TNKS: variants seen among roughly 807,000 people sequenced by gnomAD.
TNKS encodes the protein tankyrase.
Under a neutral mutation model 135.8 loss-of-function variants are expected in TNKS, and 72 were observed. That is an observed-to-expected ratio of 0.53 (90% CI 0.44 to 0.64). TNKS has a LOEUF of 0.64. Among genes scored for constraint, TNKS ranks in the 30% least tolerant of loss-of-function variants. The pLI is 0.00. For missense variants in TNKS, 1,769 were observed against 1,674.0 expected (o/e 1.06, Z -0.99); for synonymous variants, 849 against 649.3 (o/e 1.31, Z -4.68).
At chr8:9,707,870 T>C (rs1404551875) in intron 8 of TNKS, among the ~76,000 whole-genome samples, 1 of 152,206 alleles carries the variant, frequency 6.6e-6, no homozygotes, top group Non-Finnish European at 1.5e-5. Flanking sequence ...GTAAATGTTT[T>C]CTATACCATT....
At chr8:9,705,725 CA>C (rs1804010071) in intron 6 of TNKS, among the ~76,000 whole-genome samples, 1 of 152,080 alleles carries the variant, frequency 6.6e-6, no homozygotes, top group Non-Finnish European at 1.5e-5. Flanking sequence ...GGTGAGTCAT[CA>C]AGAGATGTAC....
chr8:9,720,402 C>A lies in TNKS; in HGVS notation c.1778C>A (p.Thr593Asn). ...AATGCACTGGACACCCTTGGTCAGA[C>A]TGCTTTGCATAGAGCCGCCCTAGCA... ...KMNALDTLGQ[T>N]ALHRAALAGH... is the part of the protein sequence containing the mutation. Residue 593 changes from threonine to asparagine, a missense_variant, in exon 12 of 27, where the codon ACT becomes AAT. Thr to Asn is a moderately conservative substitution (Grantham distance 65). This residue lies in a region of TNKS where 523 missense variants were observed against 541.0 expected (regional missense o/e 0.97). Coordinates refer to ENST00000310430, the MANE Select transcript of TNKS (RefSeq NM_003747.3). 1 of 1,612,836 alleles carries A rather than the reference C, an allele frequency of 6.2e-7. No individual in the cohort carries two copies. The highest frequency in any genetic ancestry group is 8.5e-7 in the Non-Finnish European group (1 of 1,179,542).
intron 12 of TNKS, chr8:9,722,579 T>C (rs1804946672): frequency 6.6e-6 from 1 of 150,842 alleles, no homozygotes; most frequent in African/African-American, 2.4e-5. Flanking sequence ...AAAAAAGACT[T>C]TGACTTCCTG....
intron 20 of TNKS, among the ~76,000 whole-genome samples, chr8:9,760,250 G>C (rs1372198465): frequency 6.6e-6 from 1 of 152,104 alleles, no homozygotes; most frequent in Non-Finnish European, 1.5e-5. Flanking sequence ...TGTTTTTAAA[G>C]CTCTGCTGAA....
Position 9,776,647 on chromosome 8 carries a change from C to T in TNKS, c.3898-3C>T, listed in dbSNP as rs1022223336. 4.3e-6 allele frequency: 7 copies of T among 1,613,736 alleles called. No homozygotes were observed. The highest frequency in any genetic ancestry group is 5.9e-6 in the Non-Finnish European group (7 of 1,179,744). ...GATTTGTTTTTCTTCTTGTCCTTCC[C>T]AGGCATACCCAGAGTATCTTATCAC... On this transcript the variant is annotated splice_region_variant and splice_polypyrimidine_tract_variant and intron_variant, in intron 26 of 26. Coordinates refer to ENST00000310430, the MANE Select transcript of TNKS (RefSeq NM_003747.3).
At chr8:9,627,665 G>A (rs577048614) in intron 3 of TNKS, among the ~76,000 whole-genome samples, 1 of 151,070 alleles carries the variant, frequency 6.6e-6, no homozygotes, top group African/African-American at 2.4e-5. Flanking sequence ...CCAGAGCAGA[G>A]GCAAAACTGT....
At chr8:9,739,018 C>G (rs1805790654) in intron 17 of TNKS, among the ~76,000 whole-genome samples, 2 of 151,610 alleles carry the variant, frequency 1.3e-5, no homozygotes, top group African/African-American at 4.9e-5. Context: ...TCCAAAACAC[C>G]AAAAGCAATG....
At chr8:9,727,916 CTG>C (rs971246658) in intron 13 of TNKS, among the ~76,000 whole-genome samples, 6 of 152,262 alleles carry the variant, frequency 3.9e-5, no homozygotes, top group Admixed American at 2.6e-4. Context: ...AAATCTAAAA[CTG>C]TACATTTTTT....
In TNKS at chr8:9,766,443, A is replaced by C. The variant is rs1463228398; in HGVS notation, c.3740+18A>C. The C allele has an allele frequency of 4.9e-6, 7 of 1,435,934 alleles. No individual in the cohort carries two copies. The highest frequency in any genetic ancestry group is 5.6e-6 in the Non-Finnish European group (6 of 1,067,068). 88.9% of individuals were successfully genotyped at this position (1,435,934 alleles called of 1,614,324 possible). A position where few individuals can be genotyped will look rare whatever the true frequency, so the allele number is the denominator to read the frequency against. ...TGTCACAGGTAAGCATCTTGCCATT[A>C]GTGTAACGTTTCCCACCCCTAGGTC... On this transcript the variant is annotated intron_variant, in intron 25 of 26. Coordinates refer to ENST00000310430, the MANE Select transcript of TNKS (RefSeq NM_003747.3).
intron 1 of TNKS, among the ~76,000 whole-genome samples, chr8:9,573,001 TA>T (rs910970238): frequency 6.6e-6 from 1 of 151,586 alleles, no homozygotes; most frequent in African/African-American, 2.4e-5. Context: ...TGATAATACT[TA>T]AGATAGGGAA....
chr8:9,628,447 A>T (rs1253448956), intron 3 of TNKS, among the ~76,000 whole-genome samples: 1 of 152,044 alleles, frequency 6.6e-6, no homozygotes, highest in Admixed American at 6.6e-5. Context: ...AGCAGCATTC[A>T]ACAAAATTTA....
In TNKS at chr8:9,751,818, C is replaced by G. The variant is rs146441688; in HGVS notation, c.3042C>G (p.Ala1014=). The change falls in exon 19 of 27, where the codon GCC becomes GCG. Residue 1014 remains alanine (A), a synonymous_variant. Transcript: ENST00000310430. Reference sequence around the variant, plus strand: ...GAGCCTCCAATGCAGGGGATGGCGCCGCGGGAACAGAAAGGAAGGAAGGAG... The same window carrying G: ...GAGCCTCCAATGCAGGGGATGGCGCGGCGGGAACAGAAAGGAAGGAAGGAG... ...VGGASNAGDG[A]AGTERKEGEV... is the part of the protein sequence containing the mutation. The G allele has an allele frequency of 1.9e-6, 3 of 1,614,064 alleles. No individual in the cohort carries two copies. The South Asian group carries it at 3.3e-5, about 18-fold the overall frequency.
At chr8:9,558,222 T>C (rs888548251) in intron 1 of TNKS, 4 of 152,230 alleles carry the variant, frequency 2.6e-5, no homozygotes, top group Admixed American at 1.3e-4. Flanking sequence ...TTGTGATCCA[T>C]TAATGGGTCG....
In TNKS at chr8:9,770,102, T is replaced by G. The variant is rs1276607415; in HGVS notation, c.3741-4T>G. The G allele has an allele frequency of 1.3e-6, 2 of 1,595,050 alleles. No individual in the cohort carries two copies. The highest frequency in any genetic ancestry group is 1.7e-6 in the Non-Finnish European group (2 of 1,168,622). On this transcript the variant is annotated splice_polypyrimidine_tract_variant and splice_region_variant and intron_variant, in intron 25 of 26. Transcript: ENST00000310430. ...CAAAGCATTGTTTTTTTCTTTTTCCTTAGACAAATGCTCTTCTGTAGAGTG... is the reference window on the plus strand; with the variant it reads ...CAAAGCATTGTTTTTTTCTTTTTCCGTAGACAAATGCTCTTCTGTAGAGTG...
intron 5 of TNKS, among the ~76,000 whole-genome samples, chr8:9,691,177 C>T (rs1803247845): frequency 2.0e-5 from 3 of 152,158 alleles, no homozygotes; most frequent in African/African-American, 7.2e-5. Flanking sequence ...CAAGAAGAGA[C>T]CAAGTGACTG....
intron 2 of TNKS, among the ~76,000 whole-genome samples, chr8:9,603,657 A>G (rs1799105633): frequency 1.3e-5 from 2 of 152,206 alleles, no homozygotes; most frequent in African/African-American, 4.8e-5. Context: ...TGTACATGAT[A>G]TGATGAGGTT....
chr8:9,742,998 A>T (rs192123118), intron 17 of TNKS, among the ~76,000 whole-genome samples: 1 of 152,084 alleles, frequency 6.6e-6, no homozygotes, highest in Admixed American at 6.6e-5. Context: ...TATTCATTCT[A>T]TCCTGCCTTG....
chr8:9,715,163 G>A lies in TNKS; in HGVS notation c.1749+4943G>A, dbSNP rs530140779. Among the ~76,000 whole-genome samples the A allele has an allele frequency of 1.0e-3, 156 of 152,232 alleles. 1 individual carries two copies. Among genetic ancestry groups the A allele is most frequent in the South Asian group, 6.2e-3 (30 of 4,816 alleles). ...GGCAGACTGGGGCATTACTTAGACC[G>A]TTTTTATATGAGGGCTTTGGTAGTT... On this transcript the variant is annotated intron_variant, in intron 11 of 26. Coordinates refer to ENST00000310430, the MANE Select transcript of TNKS (RefSeq NM_003747.3).
At chr8:9,659,698 A>T (rs78145084) in intron 3 of TNKS, among the ~76,000 whole-genome samples, 22,649 of 152,164 alleles carry the variant, frequency 0.15, 1,892 homozygotes, top group Admixed American at 0.24. Context: ...CAGCAAACAC[A>T]TTCAAAAGCT....
Sources: allele counts gnomAD v4.1 joint callset (sites outside exome capture counted in the v4.1 genomes callset), GRCh38; gene constraint gnomAD v4.1.1; regional missense constraint gnomAD v4.1.1; transcripts MANE v1.5; gene names NCBI Gene and HGNC (gene_info 2026-07-23, HGNC 2026-07-21).